Variants in NRG4 observed in about 807,000 individuals in gnomAD.
NRG4 encodes neuregulin 4.
NRG4 carries 10 observed loss-of-function variants against 15.0 expected under a neutral mutation model. That is an observed-to-expected ratio of 0.67 (90% CI 0.41 to 1.13). The LOEUF (loss-of-function observed/expected upper bound fraction) is 1.13, where lower values mean the gene tolerates loss of function less well. Ranked by LOEUF, NRG4 falls within the 50% of genes most tolerant of loss-of-function variation. The probability of loss-of-function intolerance (pLI) is 0.00; values close to 1 mark genes in which losing one functional copy is unlikely to be tolerated. For synonymous variants in NRG4, 41 were observed against 50.1 expected (o/e 0.82, Z 0.77); for missense variants, 139 against 140.2 (o/e 0.99, Z 0.04).
At chr15:76,032,011 A>G (rs2035485476) in intron 5 of NRG4, among the ~76,000 whole-genome samples, 1 of 152,226 alleles carries the variant, frequency 6.6e-6, no homozygotes, top group African/African-American at 2.4e-5. Flanking sequence ...AGAAGTAGAG[A>G]GGAGAATTAC....
At chr15:76,008,831 TATATC>T (rs1269881889) in intron 3 of NRG4, among the ~76,000 whole-genome samples, 3 of 152,198 alleles carry the variant, frequency 2.0e-5, no homozygotes, top group African/African-American at 7.2e-5. Context: ...CAAAATAAAA[TATATC>T]ATATTAGGTT....
chr15:75,963,929 C>A (rs2032663788), intron 3 of NRG4, among the ~76,000 whole-genome samples: 2 of 151,746 alleles, frequency 1.3e-5, no homozygotes, highest in South Asian at 4.2e-4. Flanking sequence ...GGTGACAGAG[C>A]AAGACCCTGT....
upstream of NRG4, among the ~76,000 whole-genome samples, chr15:76,016,473 T>C (rs1305820627): frequency 6.6e-6 from 1 of 152,252 alleles, no homozygotes; most frequent in East Asian, 1.9e-4. Flanking sequence ...TGAGGGCATT[T>C]AGTGCTATAA....
At chr15:76,023,130 C>CCA (rs10572540) in intron 5 of NRG4, among the ~76,000 whole-genome samples, 1,565 of 120,106 alleles carry the variant, frequency 0.013, 16 homozygotes, top group African/African-American at 0.023. Flanking sequence ...CACCCATACT[C>CCA]CACACACACA....
intron 3 of NRG4, among the ~76,000 whole-genome samples, chr15:75,966,616 C>T (rs1412009367): frequency 6.6e-6 from 1 of 152,136 alleles, no homozygotes; most frequent in Non-Finnish European, 1.5e-5. Flanking sequence ...ACTTCGCTAA[C>T]CAAAGGGAGA....
In NRG4 at chr15:75,952,684, A is replaced by G. The variant is rs1375983451; in HGVS notation, c.331+3248T>C. Reference sequence around the variant, plus strand: ...AGTGATCCTCCACTGCGGCCTCCCAATAGCTGGGACTACAGAAGTATGCCA... The same window carrying G: ...AGTGATCCTCCACTGCGGCCTCCCAGTAGCTGGGACTACAGAAGTATGCCA... On this transcript the variant is annotated intron_variant, in intron 5 of 5. Coordinates refer to ENST00000394907, the MANE Select transcript of NRG4 (RefSeq NM_138573.4). 4.0e-5 allele frequency among the ~76,000 whole-genome samples: 6 copies of G among 151,704 alleles called. No homozygotes were observed. In the South Asian group the frequency reaches 1.0e-3, roughly 26 times the overall value.
chr15:76,015,051 G>A (rs1255083016), upstream of NRG4, among the ~76,000 whole-genome samples: 2 of 152,070 alleles, frequency 1.3e-5, no homozygotes, highest in African/African-American at 4.8e-5. Context: ...CCTTGAAGAG[G>A]TCCTTCACAT....
At chr15:76,030,316 T>G (rs939443621) in intron 5 of NRG4, among the ~76,000 whole-genome samples, 1 of 152,122 alleles carries the variant, frequency 6.6e-6, no homozygotes, top group Non-Finnish European at 1.5e-5. Flanking sequence ...GCAGCCATCA[T>G]GCTACAACTT....
chr15:75,938,596 A>G (rs2030612340), downstream of NRG4: 1 of 152,226 alleles, frequency 6.6e-6, no homozygotes, highest in South Asian at 2.1e-4. Flanking sequence ...CATTATAAAA[A>G]AATTCTGGCA....
chr15:75,979,803 C>A (rs2033530454), intron 3 of NRG4, among the ~76,000 whole-genome samples: 1 of 152,086 alleles, frequency 6.6e-6, no homozygotes, highest in South Asian at 2.1e-4. Context: ...ACATAAATTT[C>A]TTGCCTCCTA....
chr15:75,956,092 T>A, intron 4 of NRG4, 81 bp from the exon 5 acceptor site: 1 of 771,340 alleles, frequency 1.3e-6, no homozygotes, highest in Non-Finnish European at 2.3e-6. Context: ...GAAAGTTTTT[T>A]TTTTTTAATT....
intron 5 of NRG4, among the ~76,000 whole-genome samples, chr15:76,035,629 C>T (rs565519293): frequency 6.6e-6 from 1 of 152,228 alleles, no homozygotes; most frequent in South Asian, 2.1e-4. Context: ...ACAGAAATCC[C>T]CACTCAAGCA....
intron 5 of NRG4, among the ~76,000 whole-genome samples, chr15:75,952,298 G>T (rs2031949980): frequency 6.6e-6 from 1 of 151,980 alleles, no homozygotes; most frequent in Non-Finnish European, 1.5e-5. Context: ...CTATAGATTT[G>T]CCTGTTCTGG....
At chr15:76,018,723 G>A (rs759167284) in intron 5 of NRG4, among the ~76,000 whole-genome samples, 16 of 152,158 alleles carry the variant, frequency 1.1e-4, no homozygotes, top group Non-Finnish European at 1.8e-4. Flanking sequence ...AGGGGCATCC[G>A]CCAGATGCCG....
At chr15:75,955,295 GT>G (rs1266914412) in intron 5 of NRG4, among the ~76,000 whole-genome samples, 2 of 152,018 alleles carry the variant, frequency 1.3e-5, no homozygotes, top group Non-Finnish European at 2.9e-5. Context: ...TCAGCCTGGG[GT>G]CCCCCACCTT....
At chr15:76,052,731 C>T (rs1468287093) in intron 3 of NRG4, among the ~76,000 whole-genome samples, 1 of 150,904 alleles carries the variant, frequency 6.6e-6, no homozygotes, top group Non-Finnish European at 1.5e-5. Flanking sequence ...TTATATGGCA[C>T]TAAGATCAAG....
At chr15:76,017,155 C>CTT (rs66838505), upstream of NRG4, among the ~76,000 whole-genome samples, 9,641 of 50,684 alleles carry the variant, frequency 0.19, 1,402 homozygotes, top group East Asian at 0.36. Flanking sequence ...CAACCCCTGC[C>CTT]TTTTTTTTTT....
chr15:76,049,533 A>G (rs1437488567), intron 4 of NRG4, among the ~76,000 whole-genome samples: 1 of 150,374 alleles, frequency 6.7e-6, no homozygotes, highest in Non-Finnish European at 1.5e-5. Context: ...TATCTACTGG[A>G]AAGTCTGTTT....
chr15:76,047,704 GAT>G lies in NRG4; in HGVS notation c.-105+4361_-105+4362del, dbSNP rs796611307. On this transcript the variant is annotated intron_variant, in intron 4 of 8. Coordinates refer to the NRG4 transcript ENST00000563910. ...AAACCGTACACTTAAAAGTGGTAAA[GAT>G]GGTAAATTTTATATGTATATTTTAC... is the stretch of plus-strand genomic sequence containing the variant. Among the ~76,000 whole-genome samples the G allele has an allele frequency of 4.2e-4, 64 of 150,918 alleles. 4 individuals carry two copies. The highest frequency in any genetic ancestry group is 1.5e-3 in the African/African-American group (60 of 40,542).
Sources: gnomAD v4.1 joint callset for allele counts (sites outside exome capture counted in the v4.1 genomes callset) on GRCh38, gnomAD v4.1.1 for gene constraint, MANE v1.5 for transcripts, NCBI Gene and HGNC (gene_info 2026-07-23, HGNC 2026-07-21) for gene names.